MAU2: variants seen among roughly 807,000 people sequenced by gnomAD.
MAU2 encodes MAU2 sister chromatid cohesion factor.
In MAU2, 9 loss-of-function variants were observed where a neutral mutation model predicts 89.1. That is an observed-to-expected ratio of 0.10 (90% confidence interval 0.06 to 0.18). The LOEUF (loss-of-function observed/expected upper bound fraction) is 0.18. Ranked by LOEUF, MAU2 falls within the 10% of genes least tolerant of loss-of-function variation. MAU2 has a pLI of 1.00. For missense variants in MAU2, 425 were observed against 803.5 expected (o/e 0.53, Z 5.69); for synonymous variants, 357 against 343.4 (o/e 1.04, Z -0.44).
intron 3 of MAU2, 78 bp downstream of exon 3, chr19:19,336,265 G>A (rs919298704): frequency 1.6e-5 from 18 of 1,121,044 alleles, no homozygotes; most frequent in Non-Finnish European, 2.4e-5. Context: ...GGTAAATTGG[G>A]GTTCCGGGAG....
chr19:19,330,600 C>T (rs979612293), intron 1 of MAU2, among the ~76,000 whole-genome samples: 1 of 152,158 alleles, frequency 6.6e-6, no homozygotes, highest in Non-Finnish European at 1.5e-5. Flanking sequence ...ATTAGCCAGG[C>T]GTGATGGCGC....
intron 1 of MAU2, among the ~76,000 whole-genome samples, chr19:19,327,121 C>CTTTTTT: frequency 8.8e-6 from 1 of 114,258 alleles, no homozygotes; most frequent in Admixed American, 9.3e-5. Flanking sequence ...TCCCCAGGAG[C>CTTTTTT]TTTTTTTTTT....
intron 6 of MAU2, 133 bp downstream of exon 6, chr19:19,341,006 G>T: frequency 8.0e-7 from 1 of 1,243,262 alleles, no homozygotes; most frequent in East Asian, 2.5e-5. Context: ...TAGGCACAGT[G>T]AGCAGCCTGG....
rs1227313570 is a variant in MAU2, at chr19:19,355,240, C to T, written c.1640-24C>T. ...GGGCAGTGACAGGGCAAGGCGGGCC[C>T]CCATGCTCATGTCCCACTCTCAGAC... On this transcript the variant is annotated intron_variant, in intron 17 of 18. Coordinates refer to ENST00000262815, the MANE Select transcript of MAU2 (RefSeq NM_015329.4). 4 of 1,613,420 alleles carry T rather than the reference C, an allele frequency of 2.5e-6. 1 individual carries two copies. The South Asian group carries it at 3.3e-5, about 13-fold the overall frequency.
intron 1 of MAU2, among the ~76,000 whole-genome samples, chr19:19,326,847 G>A (rs1176275777): frequency 1.3e-5 from 2 of 149,586 alleles, no homozygotes; most frequent in Admixed American, 6.7e-5. Context: ...AGCTGTGATC[G>A]TGCCACTGCA....
chr19:19,351,461 G>A (rs1259409886), intron 16 of MAU2, among the ~76,000 whole-genome samples: 1 of 140,044 alleles, frequency 7.1e-6, no homozygotes, highest in African/African-American at 2.7e-5. Context: ...TTTGAGCGCA[G>A]GAATTCAATA....
chr19:19,333,268 C>T (rs1291105189), intron 1 of MAU2, among the ~76,000 whole-genome samples: 1 of 152,174 alleles, frequency 6.6e-6, no homozygotes, highest in Non-Finnish European at 1.5e-5. Flanking sequence ...GAGAATCACT[C>T]AAGCCTAGGA....
At chr19:19,328,483 G>A (rs947221509) in intron 1 of MAU2, among the ~76,000 whole-genome samples, 6 of 150,698 alleles carry the variant, frequency 4.0e-5, no homozygotes, top group African/African-American at 1.2e-4. Context: ...GTGCAGTGGC[G>A]TGATCTCGGC....
intron 5 of MAU2, among the ~76,000 whole-genome samples, 156 bp downstream of exon 5, chr19:19,339,095 T>C (rs1568657949): frequency 6.6e-6 from 1 of 152,128 alleles, no homozygotes; most frequent in Non-Finnish European, 1.5e-5. Flanking sequence ...GGAGGATCAC[T>C]TGAGCCCAGG....
chr19:19,354,493 C>G (rs1474328869), intron 17 of MAU2, 48 bp downstream of exon 17: 1 of 1,530,358 alleles, frequency 6.5e-7, no homozygotes, highest in Non-Finnish European at 9.0e-7. Flanking sequence ...CTGGCCCTCC[C>G]CAGAGATCAA....
intron 1 of MAU2, among the ~76,000 whole-genome samples, chr19:19,332,165 G>C (rs1188892988): frequency 6.6e-6 from 1 of 152,002 alleles, no homozygotes; most frequent in Non-Finnish European, 1.5e-5. Flanking sequence ...ACATCATGGG[G>C]CTTTTTTTTG....
chr19:19,344,730 C>T (rs2061680098), intron 10 of MAU2, 119 bp from the exon 11 acceptor site: 1 of 753,004 alleles, frequency 1.3e-6, no homozygotes, highest in Non-Finnish European at 2.3e-6. Flanking sequence ...GGGCTTTGTA[C>T]CCCAGTTTGG....
At chr19:19,322,108 C>T (rs1298053838) in intron 1 of MAU2, among the ~76,000 whole-genome samples, 1 of 152,040 alleles carries the variant, frequency 6.6e-6, no homozygotes, top group Non-Finnish European at 1.5e-5. Flanking sequence ...GGCCATTCTC[C>T]TGCCTCAGCC....
In MAU2 at chr19:19,340,642, A is replaced by AAAAT. The variant is rs917626964; in HGVS notation, c.552-188_552-185dup. ...CGACAGAGCGAGACTCCGTCTCAAA[A>AAAAT]AAATAAATAAATAAATAAAAATAAA... On this transcript the variant is annotated intron_variant, in intron 5 of 18. Coordinates refer to ENST00000262815, the MANE Select transcript of MAU2 (RefSeq NM_015329.4). 5.5e-4 allele frequency among the ~76,000 whole-genome samples: 84 copies of AAAAT among 152,314 alleles called. 1 individual carries two copies. Among genetic ancestry groups the AAAAT allele is most frequent in the Non-Finnish European group, 4.6e-4 (31 of 68,032 alleles).
In MAU2 at chr19:19,347,291, C is replaced by G; in HGVS notation, c.1233C>G (p.His411Gln). ...QFTTALRLTN[H>Q]QELWAFIVTN... is the part of the protein sequence containing the mutation. ...GCCTCCCATTCCAGCTCACCAACCA[C>G]CAGGAGCTGTGGGCCTTCATCGTCA... Residue 411 changes from histidine (H) to glutamine (Q), a missense_variant, in exon 13 of 19, where the codon CAC becomes CAG. By Grantham distance (24) the His-to-Gln change is conservative. This residue lies in a region of MAU2 where 66 missense variants were observed against 129.1 expected (regional missense o/e 0.51). Coordinates refer to ENST00000262815, the MANE Select transcript of MAU2 (RefSeq NM_015329.4). The G allele has an allele frequency of 6.2e-7, 1 of 1,613,726 alleles. No homozygotes were observed. The highest frequency in any genetic ancestry group is 8.5e-7 in the Non-Finnish European group (1 of 1,179,764).
intron 1 of MAU2, among the ~76,000 whole-genome samples, chr19:19,333,413 G>A (rs562048973): frequency 2.0e-5 from 3 of 152,248 alleles, no homozygotes; most frequent in African/African-American, 4.8e-5. Flanking sequence ...TTCAGCCCAG[G>A]AGGTCAAGGC....
At chr19:19,350,202 A>C (rs142044542) in intron 16 of MAU2, among the ~76,000 whole-genome samples, 1 of 151,228 alleles carries the variant, frequency 6.6e-6, no homozygotes, top group East Asian at 2.0e-4. Flanking sequence ...AGGCTGAGGC[A>C]TGAGAATCAC....
chr19:19,320,833 C>A lies in MAU2; in HGVS notation c.-27C>A. The A allele has an allele frequency of 1.3e-6, 2 of 1,495,352 alleles. No homozygotes were observed. Among genetic ancestry groups the A allele is most frequent in the Non-Finnish European group, 1.8e-6 (2 of 1,136,482 alleles). 92.6% of individuals were successfully genotyped at this position (1,495,352 alleles called of 1,614,324 possible). On this transcript the variant is annotated 5_prime_UTR_variant, in exon 1 of 19. Coordinates refer to ENST00000262815, the MANE Select transcript of MAU2 (RefSeq NM_015329.4). ...CGCGCCTGCTTCCGCCTCCCTGTGG[C>A]GGCGGCTTGTTGTTGTGGAGGCCAA... is the stretch of plus-strand genomic sequence containing the variant.
At chr19:19,338,089 G>C (rs1272429338) in intron 4 of MAU2, among the ~76,000 whole-genome samples, 1 of 152,220 alleles carries the variant, frequency 6.6e-6, no homozygotes. Flanking sequence ...TGTGGACCCT[G>C]GGTTGGGAGT....
Sources: gnomAD v4.1 joint callset for allele counts (sites outside exome capture counted in the v4.1 genomes callset) on GRCh38, gnomAD v4.1.1 for gene constraint, gnomAD v4.1.1 regional missense constraint, MANE v1.5 for transcripts, NCBI Gene and HGNC (gene_info 2026-07-23, HGNC 2026-07-21) for gene names.